CACNB2: variants seen among roughly 807,000 people sequenced by gnomAD.
The protein encoded by CACNB2 is voltage-dependent L-type calcium channel subunit beta-2.
In CACNB2, 42 loss-of-function variants were observed where a neutral mutation model predicts 73.3. The ratio of observed to expected loss-of-function variants is 0.57; its 90% CI spans 0.45 to 0.74. The LOEUF is 0.74. Among genes scored for constraint, CACNB2 ranks in the 30% least tolerant of loss-of-function variants. The probability of loss-of-function intolerance (pLI) is 0.00; values close to 1 mark genes in which losing one functional copy is unlikely to be tolerated. For synonymous variants in CACNB2, 348 were observed against 310.3 expected (o/e 1.12, Z -1.28); for missense variants, 940 against 853.0 (o/e 1.10, Z -1.27).
intron 2 of CACNB2, among the ~76,000 whole-genome samples, chr10:18,255,562 G>T (rs747632656): frequency 6.6e-6 from 1 of 152,130 alleles, no homozygotes; most frequent in Non-Finnish European, 1.5e-5. Flanking sequence ...TTTACTTGTC[G>T]TTTTCCTACT....
intron 5 of CACNB2, among the ~76,000 whole-genome samples, chr10:18,503,559 A>C (rs1053457046): frequency 3.3e-5 from 5 of 152,106 alleles, no homozygotes; most frequent in African/African-American, 1.2e-4. Context: ...TCATGTTCCA[A>C]CTTGGGCGTC....
At chr10:18,489,758 A>T (rs2049300448) in intron 3 of CACNB2, among the ~76,000 whole-genome samples, 1 of 152,198 alleles carries the variant, frequency 6.6e-6, no homozygotes, top group Admixed American at 6.5e-5. Context: ...GTAAAGAAGG[A>T]CCTAGAAGAA....
At chr10:18,169,076 A>G (rs78778209) in intron 2 of CACNB2, among the ~76,000 whole-genome samples, 6,833 of 152,326 alleles carry the variant, frequency 0.045, 209 homozygotes, top group Middle Eastern at 0.11. Context: ...TTATTATACT[A>G]ATAATAGCTG....
intron 2 of CACNB2, among the ~76,000 whole-genome samples, chr10:18,183,005 T>G (rs542457479): frequency 6.6e-6 from 1 of 152,126 alleles, no homozygotes; most frequent in African/African-American, 2.4e-5. Flanking sequence ...CATCTTTTTT[T>G]TTTTAATTAG....
chr10:18,223,046 C>T (rs1035003047), intron 2 of CACNB2, among the ~76,000 whole-genome samples: 8 of 152,160 alleles, frequency 5.3e-5, no homozygotes, highest in African/African-American at 1.9e-4. Flanking sequence ...TCAAAAATCC[C>T]ATCTGACACA....
chr10:18,341,597 CA>C (rs879588321), intron 2 of CACNB2, among the ~76,000 whole-genome samples: 2 of 150,750 alleles, frequency 1.3e-5, no homozygotes, highest in African/African-American at 4.9e-5. Context: ...AAAACATGCA[CA>C]AAAAAAACCC....
At chr10:18,508,756 G>A (rs1205156676) in intron 6 of CACNB2, among the ~76,000 whole-genome samples, 1 of 152,170 alleles carries the variant, frequency 6.6e-6, no homozygotes, top group African/African-American at 2.4e-5. Context: ...TAAAAAGTCT[G>A]ACGTCAAACC....
chr10:18,423,163 T>G (rs1253554453), intron 3 of CACNB2, among the ~76,000 whole-genome samples: 1 of 112,644 alleles, frequency 8.9e-6, no homozygotes, highest in African/African-American at 3.4e-5. Context: ...TGGGGTTATG[T>G]CTTGTCTCTA....
At chr10:18,209,995 A>C (rs535147601) in intron 2 of CACNB2, among the ~76,000 whole-genome samples, 1 of 152,304 alleles carries the variant, frequency 6.6e-6, no homozygotes, top group Admixed American at 6.5e-5. Flanking sequence ...TCTGAATACT[A>C]CTGGGCCCTT....
chr10:18,152,709 C>CAAAAAAAAAAAAAAAAAAAAAAA (rs772732675), intron 2 of CACNB2, among the ~76,000 whole-genome samples: 14 of 49,362 alleles, frequency 2.8e-4, no homozygotes, highest in African/African-American at 6.9e-4. Flanking sequence ...TGAAACAGAC[C>CAAAAAAAAAAAAAAAAAAAAAAA]AAAAAAAAAA....
intron 3 of CACNB2, among the ~76,000 whole-genome samples, chr10:18,427,645 A>T (rs552391222): frequency 1.6e-4 from 25 of 152,262 alleles, no homozygotes; most frequent in African/African-American, 6.0e-4. Context: ...TTGACTATTG[A>T]TTCAAATTCT....
intron 2 of CACNB2, among the ~76,000 whole-genome samples, chr10:18,223,287 G>A (rs2035864496): frequency 1.3e-5 from 2 of 151,906 alleles, no homozygotes; most frequent in African/African-American, 2.4e-5. Flanking sequence ...ATTAATAATT[G>A]GCATAAATAA....
rs766100830 is a variant in CACNB2 at position 18,518,387 on chromosome 10, C to G, written c.856C>G (p.Leu286Val). Residue 286 changes from leucine to valine, a missense_variant, in exon 8 of 14, where the codon CTA becomes GTA. Transcript: ENST00000324631. ...DVVPSMRPVV[L>V]VGPSLKGYEV... ...GGTACCTTCCATGCGACCAGTGGTC[C>G]TAGTGGGCCCTTCTCTGAAGGGCTA... 3.7e-6 allele frequency: 6 copies of G among 1,613,064 alleles called. No homozygotes were observed. The Admixed American group carries it at 1.0e-4, about 27-fold the overall frequency.
At chr10:18,273,046 T>G (rs2038124096) in intron 2 of CACNB2, among the ~76,000 whole-genome samples, 1 of 152,230 alleles carries the variant, frequency 6.6e-6, no homozygotes, top group African/African-American at 2.4e-5. Flanking sequence ...ATCACTATTT[T>G]TTGAGGGCTA....
chr10:18,271,128 C>T (rs2038037111), intron 2 of CACNB2, among the ~76,000 whole-genome samples: 1 of 152,106 alleles, frequency 6.6e-6, no homozygotes, highest in Admixed American at 6.5e-5. Flanking sequence ...ATAAGTGTTC[C>T]TTGGTCTCAT....
intron 2 of CACNB2, among the ~76,000 whole-genome samples, chr10:18,301,644 C>CT (rs377033277): frequency 1.1e-3 from 165 of 143,696 alleles, no homozygotes; most frequent in African/African-American, 2.6e-3. Context: ...GCCTTTCTCT[C>CT]TTTTTTTTTT....
intron 4 of CACNB2, among the ~76,000 whole-genome samples, chr10:18,499,344 C>A (rs10828784): frequency 6.6e-5 from 10 of 152,028 alleles, no homozygotes; most frequent in Admixed American, 1.3e-4. Flanking sequence ...AGGGCTGGGC[C>A]CGGTGGCTCA....
intron 2 of CACNB2, among the ~76,000 whole-genome samples, chr10:18,169,023 A>C (rs531733134): frequency 6.6e-6 from 1 of 152,160 alleles, no homozygotes; most frequent in Non-Finnish European, 1.5e-5. Flanking sequence ...CATCTTATTA[A>C]GTATACATAA....
intron 3 of CACNB2, among the ~76,000 whole-genome samples, chr10:18,438,104 G>A (rs2046233464): frequency 8.0e-6 from 1 of 125,740 alleles, no homozygotes; most frequent in African/African-American, 3.0e-5. Context: ...TGCAAGCTCC[G>A]CCTCCCGGGT....
Sources: allele counts gnomAD v4.1 joint callset (sites outside exome capture counted in the v4.1 genomes callset), GRCh38; gene constraint gnomAD v4.1.1; transcripts MANE v1.5; gene names NCBI Gene and HGNC (gene_info 2026-07-23, HGNC 2026-07-21).